The following FER variants were observed in gnomAD, a reference collection of about 807,000 sequenced individuals.
The protein encoded by FER is FER tyrosine kinase, also known as tyrosine-protein kinase Fer.
FER carries 63 observed loss-of-function variants against 111.0 expected under a neutral mutation model. The ratio of observed to expected loss-of-function variants is 0.57; its 90% CI spans 0.46 to 0.70. The LOEUF (loss-of-function observed/expected upper bound fraction) is 0.70, where lower values mean the gene tolerates loss of function less well. FER is among the 30% of genes least tolerant of loss of function. The probability of loss-of-function intolerance (pLI) is 0.00; values close to 1 mark genes in which losing one functional copy is unlikely to be tolerated. For missense variants in FER, 914 were observed against 954.0 expected (o/e 0.96, Z 0.55); for synonymous variants, 327 against 313.9 (o/e 1.04, Z -0.44).
At chr5:108,986,859 A>G (rs1762629645) in intron 13 of FER, among the ~76,000 whole-genome samples, 1 of 152,060 alleles carries the variant, frequency 6.6e-6, no homozygotes, top group Admixed American at 6.6e-5. Flanking sequence ...TTATAGCATA[A>G]TTTGGAGTCA....
At chr5:109,132,979 A>C (rs968068943) in intron 17 of FER, among the ~76,000 whole-genome samples, 1 of 152,174 alleles carries the variant, frequency 6.6e-6, no homozygotes, top group Non-Finnish European at 1.5e-5. Context: ...TTGCTGCATA[A>C]CCAAAGCATG....
chr5:108,908,092 T>G lies in FER; in HGVS notation c.1236+10244T>G, dbSNP rs543009348. Among the ~76,000 whole-genome samples, 4 of 152,308 alleles carry G rather than the reference T, an allele frequency of 2.6e-5. No homozygotes were observed. The East Asian group carries it at 7.7e-4, about 29-fold the overall frequency. Reference sequence around the variant, plus strand: ...CTTCCTTTGATTTTCATTTTTAGATTAACTGTTTACCTGATAGAGGTAGTA... The same window carrying G: ...CTTCCTTTGATTTTCATTTTTAGATGAACTGTTTACCTGATAGAGGTAGTA... On this transcript the variant is annotated intron_variant, in intron 10 of 19. Transcript: ENST00000281092.
chr5:109,092,681 T>C (rs1746973717), intron 16 of FER, among the ~76,000 whole-genome samples: 1 of 152,186 alleles, frequency 6.6e-6, no homozygotes, highest in African/African-American at 2.4e-5. Flanking sequence ...AGTAAAACTG[T>C]GATGGCAAAC....
intron 17 of FER, among the ~76,000 whole-genome samples, chr5:109,172,550 G>A (rs1447959557): frequency 6.7e-6 from 1 of 148,604 alleles, no homozygotes; most frequent in Non-Finnish European, 1.5e-5. Context: ...CGAGTTACTG[G>A]GTGCAGCACA....
At chr5:109,067,518 C>G (rs924820305) in intron 16 of FER, among the ~76,000 whole-genome samples, 3 of 151,918 alleles carry the variant, frequency 2.0e-5, no homozygotes, top group Non-Finnish European at 4.4e-5. Flanking sequence ...AGCTTATACA[C>G]TGTTCTGCCC....
chr5:109,183,777 G>C (rs1021831111), intron 18 of FER, among the ~76,000 whole-genome samples: 1 of 152,084 alleles, frequency 6.6e-6, no homozygotes, highest in African/African-American at 2.4e-5. Context: ...GAAAAGTGGG[G>C]GGTGGGGCAT....
chr5:108,926,849 ATTAT>A (rs1753807825), intron 10 of FER, among the ~76,000 whole-genome samples: 1 of 152,042 alleles, frequency 6.6e-6, no homozygotes, highest in African/African-American at 2.4e-5. Context: ...ATATTCTGGT[ATTAT>A]TTATGATTTT....
chr5:108,922,692 AAAC>A (rs1442876090), intron 10 of FER, among the ~76,000 whole-genome samples: 11 of 152,208 alleles, frequency 7.2e-5, no homozygotes, highest in Admixed American at 7.2e-4. Flanking sequence ...ATGAAAATAT[AAAC>A]TTATTCTGGT....
chr5:109,010,501 A>G (rs1766123794), intron 13 of FER, among the ~76,000 whole-genome samples: 1 of 151,940 alleles, frequency 6.6e-6, no homozygotes, highest in South Asian at 2.1e-4. Flanking sequence ...TTCTCTTACC[A>G]GTTTCATAAG....
chr5:109,003,546 G>T (rs1420296412), intron 13 of FER, among the ~76,000 whole-genome samples: 2 of 151,900 alleles, frequency 1.3e-5, no homozygotes, highest in Non-Finnish European at 2.9e-5. Flanking sequence ...CAGCACACCA[G>T]CATGGCACAT....
At chr5:108,872,333 A>G in intron 8 of FER, 121 bp downstream of exon 8, 1 of 898,478 alleles carries the variant, frequency 1.1e-6, no homozygotes, top group Non-Finnish European at 1.6e-6. Context: ...TTGGGGTCAG[A>G]GTGACATGTT....
At chr5:109,112,280 A>G (rs1276666289) in intron 17 of FER, among the ~76,000 whole-genome samples, 1 of 152,184 alleles carries the variant, frequency 6.6e-6, no homozygotes, top group Non-Finnish European at 1.5e-5. Flanking sequence ...TATATTAGAA[A>G]ATGAAAAGAA....
intron 16 of FER, among the ~76,000 whole-genome samples, chr5:109,088,545 G>A (rs978157784): frequency 1.9e-4 from 29 of 152,036 alleles, no homozygotes; most frequent in African/African-American, 5.3e-4. Flanking sequence ...TGGGGTTGAG[G>A]TGAGAAAAGG....
chr5:109,030,974 A>G (rs1271573286), intron 13 of FER, among the ~76,000 whole-genome samples: 1 of 151,688 alleles, frequency 6.6e-6, no homozygotes, highest in African/African-American at 2.4e-5. Flanking sequence ...TTTGTCTGGG[A>G]TCTATCTTCC....
intron 17 of FER, among the ~76,000 whole-genome samples, chr5:109,178,116 C>CT (rs1347371950): frequency 6.6e-6 from 1 of 152,156 alleles, no homozygotes; most frequent in African/African-American, 2.4e-5. Context: ...ACACCATATC[C>CT]TTTTTTCTGT....
intron 10 of FER, among the ~76,000 whole-genome samples, chr5:108,915,581 C>T (rs78109776): frequency 0.015 from 2,258 of 149,990 alleles, 70 homozygotes; most frequent in African/African-American, 0.053. Flanking sequence ...TCTTATTCCA[C>T]AAAGGACTTT....
intron 5 of FER, 32 bp downstream of exon 5, chr5:108,835,839 G>A: frequency 7.9e-7 from 1 of 1,264,832 alleles, no homozygotes; most frequent in Non-Finnish European, 1.1e-6. Flanking sequence ...TGTTTACTTA[G>A]GTGATTTTTA....
intron 13 of FER, among the ~76,000 whole-genome samples, chr5:108,978,393 G>T (rs560019249): frequency 6.6e-6 from 1 of 152,012 alleles, no homozygotes; most frequent in Non-Finnish European, 1.5e-5. Context: ...CCCAGAATGT[G>T]GTCTGTTATT....
chr5:108,902,901 ATATTTATTTATT>A (rs140692614), intron 10 of FER, among the ~76,000 whole-genome samples: 11 of 150,950 alleles, frequency 7.3e-5, no homozygotes, highest in Admixed American at 2.0e-4. Context: ...CTTTCTTATT[ATATTTATTTATT>A]TATTTATTTA....
Sources: allele counts gnomAD v4.1 joint callset (sites outside exome capture counted in the v4.1 genomes callset), GRCh38; gene constraint gnomAD v4.1.1; transcripts MANE v1.5; gene names NCBI Gene and HGNC (gene_info 2026-07-23, HGNC 2026-07-21).